The following NFIA variants were observed in gnomAD, a reference collection of about 807,000 sequenced individuals.
NFIA encodes nuclear factor I A.
Under a neutral mutation model 62.8 loss-of-function variants are expected in NFIA, and 8 were observed. The observed-to-expected ratio is 0.13, with a 90% CI of 0.07 to 0.23. The LOEUF is 0.23. NFIA is among the 10% of genes least tolerant of loss of function. The pLI, the probability that NFIA is intolerant of heterozygous loss-of-function variation, is 1.00. For missense variants in NFIA, 410 were observed against 642.1 expected, an observed-to-expected ratio of 0.64 and a Z score of 3.91; for synonymous variants, 235 against 238.1, an observed-to-expected ratio of 0.99 and a Z score of 0.12.
intron 5 of NFIA, among the ~76,000 whole-genome samples, chr1:61,356,525 T>C (rs1416521004): frequency 6.6e-6 from 1 of 152,232 alleles, no homozygotes; most frequent in East Asian, 1.9e-4. Context: ...ATAGTTTGCA[T>C]TTCTAATAAA....
upstream of NFIA, chr1:61,081,943 C>T: frequency 6.5e-7 from 1 of 1,550,098 alleles, no homozygotes; most frequent in Admixed American, 2.0e-5. Context: ...AATTTGCATA[C>T]ATGCAAATGT....
At position 61,285,086 on chromosome 1, in the gene NFIA, C is replaced by T. The variant is rs753190089; in HGVS notation, c.625+7501C>T. ...TCAAAAAGGAAATCAAATGAGGAGC[C>T]GTCATCAAATCACAGTGCGGTAGAA... On this transcript the variant is annotated intron_variant, in intron 3 of 10. Transcript: ENST00000403491. Among the ~76,000 whole-genome samples the T allele has an allele frequency of 9.2e-5, 14 of 152,210 alleles. No homozygotes were observed. The East Asian group carries it at 9.7e-4, about 11-fold the overall frequency.
At chr1:61,334,223 C>T (rs1387424889) in intron 4 of NFIA, among the ~76,000 whole-genome samples, 18 of 151,786 alleles carry the variant, frequency 1.2e-4, no homozygotes, top group Admixed American at 1.2e-3. Context: ...GAGTTGGAAC[C>T]CTAAGAAATG....
intron 2 of NFIA, among the ~76,000 whole-genome samples, chr1:61,216,033 G>T (rs553867365): frequency 1.3e-5 from 2 of 152,298 alleles, no homozygotes; most frequent in African/African-American, 4.8e-5. Flanking sequence ...AAATATTGAT[G>T]GCTATGAACC....
chr1:61,199,100 G>A (rs1439453877), intron 2 of NFIA, among the ~76,000 whole-genome samples: 2 of 152,036 alleles, frequency 1.3e-5, no homozygotes, highest in African/African-American at 4.8e-5. Context: ...GTACCCTTCA[G>A]TAGAATTCTA....
chr1:61,263,378 G>A (rs535092909), intron 2 of NFIA, among the ~76,000 whole-genome samples: 1 of 152,278 alleles, frequency 6.6e-6, no homozygotes, highest in South Asian at 2.1e-4. Context: ...GCTGTGAGGA[G>A]CCCAGCACAG....
chr1:61,311,391 C>T (rs968606160), intron 3 of NFIA, among the ~76,000 whole-genome samples: 7 of 113,630 alleles, frequency 6.2e-5, no homozygotes, highest in African/African-American at 2.1e-4. Context: ...AACTCCGTCT[C>T]AAAAAAACAA....
intron 3 of NFIA, among the ~76,000 whole-genome samples, chr1:61,283,025 A>G (rs1315435991): frequency 6.6e-6 from 1 of 152,148 alleles, no homozygotes; most frequent in Non-Finnish European, 1.5e-5. Flanking sequence ...GAAAATTTCC[A>G]GCTCTACCTG....
chr1:61,200,018 A>ATGTATATATATGTG (rs1376010297), intron 2 of NFIA, among the ~76,000 whole-genome samples: 3 of 9,420 alleles, frequency 3.2e-4, no homozygotes, highest in African/African-American at 1.1e-3. Flanking sequence ...ATGTATATAT[A>ATGTATATATATGTG]TATATATATA....
chr1:61,424,486 G>T (rs143184644), intron 9 of NFIA, among the ~76,000 whole-genome samples: 402 of 152,156 alleles, frequency 2.6e-3, no homozygotes, highest in Admixed American at 4.8e-3. Context: ...TGTTCTATCA[G>T]GGCCATCAAA....
At chr1:61,096,735 T>C (rs1169099964) in intron 2 of NFIA, among the ~76,000 whole-genome samples, 1 of 151,448 alleles carries the variant, frequency 6.6e-6, no homozygotes, top group Non-Finnish European at 1.5e-5. Context: ...GTATTTTGAG[T>C]GGAGATGGGG....
intron 6 of NFIA, among the ~76,000 whole-genome samples, chr1:61,361,837 A>G (rs1484195319): frequency 6.6e-6 from 1 of 150,452 alleles, no homozygotes; most frequent in Admixed American, 6.7e-5. Context: ...ACGTACACAT[A>G]TATATTCTTA....
intron 9 of NFIA, among the ~76,000 whole-genome samples, chr1:61,410,542 G>T (rs1007227598): frequency 6.6e-6 from 1 of 152,136 alleles, no homozygotes; most frequent in Non-Finnish European, 1.5e-5. Context: ...AATGTAAACT[G>T]TATGATGTAA....
At chr1:61,209,262 C>T (rs923597358) in intron 2 of NFIA, among the ~76,000 whole-genome samples, 1 of 152,042 alleles carries the variant, frequency 6.6e-6, no homozygotes, top group Non-Finnish European at 1.5e-5. Context: ...AGAAATGCAA[C>T]CTGTTCATTG....
intron 2 of NFIA, among the ~76,000 whole-genome samples, chr1:61,268,168 A>G (rs1657288865): frequency 6.6e-6 from 1 of 152,154 alleles, no homozygotes; most frequent in African/African-American, 2.4e-5. Flanking sequence ...TGTTTTCTCA[A>G]ATGCTTCAAG....
rs768791631 is a variant in NFIA at position 61,406,609 on chromosome 1, C to T, written c.1302C>T (p.Thr434=). ...AGGTGCACAACCCATTCCTTCCCAC[C>T]CCAATGTTGCCACCGCCACCGCCAC... ...QGKVHNPFLP[T]PMLPPPPPPP... is the part of the protein sequence containing the mutation. Residue 434 remains threonine, a synonymous_variant, in exon 9 of 11, where the codon ACC becomes ACT. Coordinates refer to ENST00000403491, the MANE Select transcript of NFIA (RefSeq NM_001134673.4). The T allele has an allele frequency of 1.2e-6, 2 of 1,608,840 alleles. No individual in the cohort carries two copies. The highest frequency in any genetic ancestry group is 2.2e-5 in the South Asian group (2 of 90,184).
intron 2 of NFIA, among the ~76,000 whole-genome samples, chr1:61,105,873 A>G (rs1363285797): frequency 6.6e-6 from 1 of 151,822 alleles, no homozygotes; most frequent in Non-Finnish European, 1.5e-5. Context: ...GGTGTGCTGA[A>G]ATTCTGACTT....
At position 61,197,854 on chromosome 1, in the gene NFIA, G is replaced by C. The variant is rs574525497; in HGVS notation, c.560-79666G>C. Among the ~76,000 whole-genome samples the C allele has an allele frequency of 3.9e-5, 6 of 152,126 alleles. No individual in the cohort carries two copies. The South Asian group carries it at 1.2e-3, about 32-fold the overall frequency. ...AAATTAGCCGGGCTTGGTGGTGGGT[G>C]CCAGTAATTCCAGCTACTCGGGAGG... On this transcript the variant is annotated intron_variant, in intron 2 of 10. Coordinates refer to ENST00000403491, the MANE Select transcript of NFIA (RefSeq NM_001134673.4).
chr1:61,328,961 G>A (rs71641729), intron 3 of NFIA, among the ~76,000 whole-genome samples: 13,771 of 150,164 alleles, frequency 0.092, 790 homozygotes, highest in Middle Eastern at 0.17. Flanking sequence ...GACCTCAAAC[G>A]ATCTGCCTGC....
Sources: gnomAD v4.1 joint callset for allele counts (sites outside exome capture counted in the v4.1 genomes callset) on GRCh38, gnomAD v4.1.1 for gene constraint, MANE v1.5 for transcripts, NCBI Gene and HGNC (gene_info 2026-07-23, HGNC 2026-07-21) for gene names.